Variants in OLR1 observed in about 807,000 individuals in gnomAD.
OLR1 encodes the protein oxidized low density lipoprotein receptor 1.
Under a neutral mutation model 31.7 loss-of-function variants are expected in OLR1, and 23 were observed. The observed-to-expected ratio is 0.72, with a 90% CI of 0.52 to 1.03. The LOEUF (loss-of-function observed/expected upper bound fraction) is 1.03, where lower values mean the gene tolerates loss of function less well. Among genes scored for constraint, OLR1 ranks in the 50% least tolerant of loss-of-function variants. OLR1 has a pLI of 0.00. For missense variants in OLR1, 286 were observed against 315.7 expected (o/e 0.91, Z 0.71); for synonymous variants, 117 against 115.8 (o/e 1.01, Z -0.07).
intron 5 of OLR1, 108 bp downstream of exon 5, chr12:10,160,239 T>C (rs1254179304): frequency 8.1e-6 from 8 of 986,274 alleles, no homozygotes; most frequent in Non-Finnish European, 1.2e-5. Context: ...CAAGCTTCTC[T>C]CTGGCAAGAA....
intron 3 of OLR1, among the ~76,000 whole-genome samples, chr12:10,165,733 C>G (rs113294661): frequency 6.6e-6 from 1 of 151,378 alleles, no homozygotes; most frequent in Admixed American, 6.6e-5. Context: ...TGCATTCCAG[C>G]CTGGGTGTGA....
rs527618207 is a variant in OLR1 at position 10,169,258 on chromosome 12, G to T, written c.77-83C>A. The T allele has an allele frequency of 3.3e-5, 29 of 888,436 alleles. 1 individual carries two copies. In the African/African-American group the frequency reaches 4.7e-4, roughly 14 times the overall value. The allele number at this position is 888,436 out of a possible 1,614,324, so 55.0% of individuals were successfully genotyped here. A position where few individuals can be genotyped will look rare whatever the true frequency, so the allele number is the denominator to read the frequency against. On this transcript the variant is annotated intron_variant, in intron 1 of 5. Transcript: ENST00000309539. ...CATTCCTTGGAGCCTGTCTGTACTT[G>T]GTGATTTACTCTGTTTATGTTTTAG...
upstream of OLR1, among the ~76,000 whole-genome samples, chr12:10,175,029 G>A (rs953464901): frequency 1.9e-4 from 29 of 152,186 alleles, no homozygotes; most frequent in Non-Finnish European, 5.9e-5. Context: ...CAGTGGGATA[G>A]TTTCTACAGT....
upstream of OLR1, among the ~76,000 whole-genome samples, chr12:10,173,341 G>A (rs932740809): frequency 1.3e-5 from 2 of 152,060 alleles, no homozygotes; most frequent in South Asian, 2.1e-4. Flanking sequence ...CACAAAGGAA[G>A]AATGGAAAAA....
chr12:10,159,940 T>C lies in OLR1; in HGVS notation c.762A>G (p.Glu254=). Residue 254 remains glutamate (E), a synonymous_variant, in exon 6 of 6, where the codon GAA becomes GAG. Coordinates refer to ENST00000309539, the MANE Select transcript of OLR1 (RefSeq NM_002543.4). ...TACTGAAGGCAGCTAAAATGCAGTT[T>C]TCCGCATAAACAGCTCCTCGTTGTA... The part of the protein sequence containing the change: ...AYIQRGAVYA[E]NCILAAFSIC... 6.2e-7 allele frequency: 1 copy of C among 1,614,096 alleles called. No individual in the cohort carries two copies. The highest frequency in any genetic ancestry group is 8.5e-7 in the Non-Finnish European group (1 of 1,179,984).
intron 3 of OLR1, among the ~76,000 whole-genome samples, chr12:10,163,681 C>T (rs1948637771): frequency 1.3e-5 from 2 of 151,900 alleles, no homozygotes; most frequent in Non-Finnish European, 2.9e-5. Flanking sequence ...ACCTGTAATC[C>T]TAGCACTTTA....
chr12:10,164,784 G>A lies in OLR1; in HGVS notation c.424+1928C>T, dbSNP rs1948647231. On this transcript the variant is annotated intron_variant, in intron 3 of 5. Transcript: ENST00000309539. ...CAGTAGCTTCTGTAACAATATCAGA[G>A]TTCACATCATAGTCTTCTTATAGAT... 2.0e-5 allele frequency among the ~76,000 whole-genome samples: 3 copies of A among 152,292 alleles called. No homozygotes were observed. The South Asian group carries it at 6.2e-4, about 32-fold the overall frequency.
Position 10,159,888 on chromosome 12 carries a change from C to G in OLR1, c.814G>C (p.Ala272Pro). 2 of 1,611,424 alleles carry G rather than the reference C, an allele frequency of 1.2e-6. No homozygotes were observed. Among genetic ancestry groups the G allele is most frequent in the Non-Finnish European group, 1.7e-6 (2 of 1,178,814 alleles). Residue 272 changes from alanine (A) to proline (P), a missense_variant, in exon 6 of 6, where the codon GCA becomes CCA. By Grantham distance (27) the Ala-to-Pro change is conservative (BLOSUM62 -1). Transcript: ENST00000309539. Reference protein sequence around the residue: ...SICQKKANLRAQ With the variant: ...SICQKKANLRPQ ...TTCCAGAGCCTTCAAATTCACTGTGCTCTTAGGTTTGCCTTCTTCTGACAT... is the reference window on the plus strand; with the variant it reads ...TTCCAGAGCCTTCAAATTCACTGTGGTCTTAGGTTTGCCTTCTTCTGACAT...
At chr12:10,169,478 A>C (rs926138062) in intron 1 of OLR1, among the ~76,000 whole-genome samples, 2 of 152,242 alleles carry the variant, frequency 1.3e-5, no homozygotes, top group Non-Finnish European at 2.9e-5. Context: ...ATGATTCTAA[A>C]GCTTATACTT....
upstream of OLR1, among the ~76,000 whole-genome samples, chr12:10,173,750 GCGAGACTCC>G (rs1948743803): frequency 9.0e-5 from 13 of 143,652 alleles, no homozygotes; most frequent in Admixed American, 9.2e-4. Context: ...GGGCAACAGA[GCGAGACTCC>G]CTTTAAAAAA....
intron 2 of OLR1, among the ~76,000 whole-genome samples, chr12:10,168,693 C>T (rs1348843707): frequency 6.6e-6 from 1 of 152,170 alleles, no homozygotes; most frequent in Non-Finnish European, 1.5e-5. Context: ...GGGGTTTCAC[C>T]ATGTTGGCCA....
At position 10,160,870 on chromosome 12, in the gene OLR1, C is replaced by G. The variant is rs749120239; in HGVS notation, c.480G>C (p.Ser160=). Residue 160 remains serine, a synonymous_variant, in exon 4 of 6, where the codon TCG becomes TCC. Coordinates refer to ENST00000309539, the MANE Select transcript of OLR1 (RefSeq NM_002543.4). ...GGCTCTTTTCCCAGTTAAATGAGCC[C>G]GAGGAAAATAGGTAACAGTTTTCTC... ...WHGENCYLFS[S]GSFNWEKSQE... is the part of the protein sequence containing the mutation. 6.8e-6 allele frequency: 11 copies of G among 1,613,916 alleles called. No homozygotes were observed. In the African/African-American group the frequency reaches 1.2e-4, roughly 18 times the overall value.
At chr12:10,162,565 T>C (rs1244186051) in intron 3 of OLR1, among the ~76,000 whole-genome samples, 1 of 152,312 alleles carries the variant, frequency 6.6e-6, no homozygotes, top group East Asian at 1.9e-4. Context: ...TGGTGGCTCA[T>C]GCCTATAATC....
intron 3 of OLR1, 23 bp from the exon 4 acceptor site, chr12:10,160,948 T>C: frequency 6.2e-7 from 1 of 1,608,968 alleles, no homozygotes; most frequent in South Asian, 1.1e-5. Context: ...GTATATCTCA[T>C]CAGTCAGTTA....
intron 3 of OLR1, among the ~76,000 whole-genome samples, chr12:10,162,780 A>G (rs35878586): frequency 2.2e-4 from 33 of 152,294 alleles, no homozygotes; most frequent in African/African-American, 7.9e-4. Flanking sequence ...GTGAGCTGAG[A>G]TCATGCCACT....
At chr12:10,162,298 A>T (rs1484727043) in intron 3 of OLR1, among the ~76,000 whole-genome samples, 1 of 152,214 alleles carries the variant, frequency 6.6e-6, no homozygotes, top group Non-Finnish European at 1.5e-5. Flanking sequence ...TTTCATTCTC[A>T]CTGTGGCATA....
chr12:10,165,543 T>C (rs1160303640), intron 3 of OLR1, among the ~76,000 whole-genome samples: 1 of 151,586 alleles, frequency 6.6e-6, no homozygotes, highest in Non-Finnish European at 1.5e-5. Context: ...AAAGATCCCT[T>C]AGAAAAAGAA....
At chr12:10,161,485 A>G (rs912760109) in intron 3 of OLR1, among the ~76,000 whole-genome samples, 5 of 152,246 alleles carry the variant, frequency 3.3e-5, no homozygotes, top group African/African-American at 9.6e-5. Context: ...CTTAAATACT[A>G]TGTGTCTTGC....
Position 10,166,809 on chromosome 12 carries a change from A to C in OLR1, c.327T>G (p.Leu109=). 3 of 1,613,856 alleles carry C rather than the reference A, an allele frequency of 1.9e-6. No homozygotes were observed. The highest frequency in any genetic ancestry group is 2.5e-6 in the Non-Finnish European group (3 of 1,180,008). The part of the protein sequence containing the change: ...ENELKEMIET[L]ARKLNEKSKE... ...TGGATTTCTCATTCAGCTTCCGAGC[A>C]AGGGTTTCTATCATTTCCTTGAGTT... Residue 109 remains leucine, a synonymous_variant, in exon 3 of 6, where the codon CTT becomes CTG. Transcript: ENST00000309539.
Sources: allele counts gnomAD v4.1 joint callset (sites outside exome capture counted in the v4.1 genomes callset), GRCh38; gene constraint gnomAD v4.1.1; transcripts MANE v1.5; gene names NCBI Gene and HGNC (gene_info 2026-07-23, HGNC 2026-07-21).